The following ANO1 variants were observed in gnomAD, a reference collection of about 807,000 sequenced individuals.
ANO1 encodes the protein anoctamin-1.
A neutral mutation model predicts 124.0 loss-of-function variants in ANO1; 59 were observed. The observed-to-expected ratio is 0.48, with a 90% CI of 0.39 to 0.59. The LOEUF (loss-of-function observed/expected upper bound fraction) is 0.59, where lower values mean the gene tolerates loss of function less well. ANO1 is among the 20% of genes least tolerant of loss of function. ANO1 has a pLI of 0.00. For synonymous variants in ANO1, 529 were observed against 532.0 expected (o/e 0.99, Z 0.08); for missense variants, 1,059 against 1,328.0 (o/e 0.80, Z 3.15).
chr11:70,048,328 T>C (rs1857291931), intron 1 of ANO1, among the ~76,000 whole-genome samples: 2 of 152,206 alleles, frequency 1.3e-5, no homozygotes, highest in South Asian at 4.1e-4. Flanking sequence ...TTAGCTTCTT[T>C]TAAGGTTGAA....
At chr11:69,975,062 C>A in the ANO1 span, among the ~76,000 whole-genome samples, 1 of 152,178 alleles carries the variant, frequency 6.6e-6, no homozygotes, top group African/African-American at 2.4e-5. Flanking sequence ...CCCCACGCTG[C>A]TGCAGGACAA....
chr11:69,991,815 A>G (rs1187684844), intron 1 of ANO1, among the ~76,000 whole-genome samples: 2 of 152,228 alleles, frequency 1.3e-5, no homozygotes, highest in South Asian at 2.1e-4. Context: ...CCTTGCTCTC[A>G]TGGAGTGCAG....
chr11:70,147,413 G>T (rs909120221), intron 11 of ANO1, among the ~76,000 whole-genome samples: 3 of 152,162 alleles, frequency 2.0e-5, no homozygotes, highest in Admixed American at 2.0e-4. Flanking sequence ...GGCCCTGGGG[G>T]TTGGGGGCCT....
At chr11:70,095,376 A>AAG (rs780532732) in intron 2 of ANO1, among the ~76,000 whole-genome samples, 2 of 34,416 alleles carry the variant, frequency 5.8e-5, no homozygotes, top group South Asian at 1.2e-3. Context: ...GAAAGAAAGA[A>AAG]AGAAAGAAAG....
At chr11:70,148,024 G>A (rs1395212299) in intron 11 of ANO1, among the ~76,000 whole-genome samples, 2 of 152,284 alleles carry the variant, frequency 1.3e-5, no homozygotes, top group African/African-American at 2.4e-5. Flanking sequence ...AGACAAACCC[G>A]TGCATCCTTG....
intron 1 of ANO1, among the ~76,000 whole-genome samples, chr11:70,010,262 G>A (rs1173085709): frequency 2.7e-5 from 4 of 149,356 alleles, no homozygotes; most frequent in Admixed American, 1.3e-4. Flanking sequence ...TTTTGCAATT[G>A]AGAATTGTGC....
At chr11:70,115,190 T>G (rs1355126778) in intron 7 of ANO1, among the ~76,000 whole-genome samples, 4 of 152,138 alleles carry the variant, frequency 2.6e-5, no homozygotes, top group Middle Eastern at 3.4e-3. Context: ...GTTGCTTGCT[T>G]GAGTGTGTGG....
intron 4 of ANO1, among the ~76,000 whole-genome samples, chr11:70,105,215 AG>A (rs2045468714): frequency 1.3e-5 from 2 of 152,140 alleles, no homozygotes; most frequent in Admixed American, 1.3e-4. Context: ...AGTGCCTTGG[AG>A]AGCAGGGAGA....
chr11:70,004,052 G>A (rs576147163), intron 1 of ANO1, among the ~76,000 whole-genome samples: 3 of 152,170 alleles, frequency 2.0e-5, no homozygotes, highest in African/African-American at 7.2e-5. Flanking sequence ...CGACCCTTTG[G>A]ACCTCCCTCA....
intron 1 of ANO1, among the ~76,000 whole-genome samples, chr11:70,042,152 G>A (rs1445367224): frequency 1.3e-5 from 2 of 152,112 alleles, no homozygotes; most frequent in Non-Finnish European, 2.9e-5. Context: ...TGTAGTAACA[G>A]GGGTCAGACT....
chr11:70,101,060 C>T (rs1190938949), intron 2 of ANO1, among the ~76,000 whole-genome samples: 2 of 151,950 alleles, frequency 1.3e-5, no homozygotes, highest in Non-Finnish European at 1.5e-5. Flanking sequence ...GGATTCACCC[C>T]ATTGCCATTT....
Position 70,155,958 on chromosome 11 carries a change from G to A in ANO1, c.1473G>A (p.Arg491=). 1 of 1,536,538 alleles carries A rather than the reference G, an allele frequency of 6.5e-7. No homozygotes were observed. The highest frequency in any genetic ancestry group is 8.8e-7 in the Non-Finnish European group (1 of 1,141,764). The stretch of plus-strand genomic sequence containing the variant: ...AGTCAACAAACAAATGGAAGCAGAG[G>A]GTTAAGACAGCCATGGCGGGGGTGA... ...PEESTNKWKQ[R]VKTAMAGVKL... is the part of the protein sequence containing the mutation. The change falls in exon 15 of 26, where the codon AGG becomes AGA. Residue 491 remains arginine (R), a synonymous_variant. Transcript: ENST00000355303.
At chr11:70,144,668 T>C (rs2135589869) in intron 11 of ANO1, among the ~76,000 whole-genome samples, 1 of 152,352 alleles carries the variant, frequency 6.6e-6, no homozygotes, top group East Asian at 1.9e-4. Flanking sequence ...CTGTGCTGTG[T>C]GCTGTGGTGA....
intron 11 of ANO1, among the ~76,000 whole-genome samples, chr11:70,149,273 G>T (rs2135622013): frequency 6.6e-6 from 1 of 152,348 alleles, no homozygotes; most frequent in South Asian, 2.1e-4. Flanking sequence ...TGCCTCACAG[G>T]ATTGGCGGGA....
chr11:70,149,967 G>A (rs1481209774), intron 12 of ANO1, 175 bp downstream of exon 12: 27 of 713,984 alleles, frequency 3.8e-5, no homozygotes, highest in South Asian at 1.2e-4. Context: ...ACACCCTGGC[G>A]TTCCGAACAC....
chr11:70,142,664 A>G (rs1395274392), intron 11 of ANO1, among the ~76,000 whole-genome samples: 4 of 152,194 alleles, frequency 2.6e-5, no homozygotes, highest in African/African-American at 7.2e-5. Flanking sequence ...TGGGTGTCTT[A>G]GTCTGCTCCA....
intron 1 of ANO1, among the ~76,000 whole-genome samples, chr11:70,034,457 C>G (rs1164548478): frequency 5.9e-5 from 9 of 152,068 alleles, no homozygotes; most frequent in Non-Finnish European, 1.2e-4. Context: ...TACCACCATG[C>G]CAGGAGAGGG....
the ANO1 span, among the ~76,000 whole-genome samples, chr11:69,978,524 C>A: frequency 6.6e-6 from 1 of 152,090 alleles, no homozygotes; most frequent in Non-Finnish European, 1.5e-5. Flanking sequence ...CTAATTTTTG[C>A]ATTGTTTTTA....
At chr11:70,066,168 A>G (rs1555008555) in intron 1 of ANO1, among the ~76,000 whole-genome samples, 1 of 152,186 alleles carries the variant, frequency 6.6e-6, no homozygotes, top group Non-Finnish European at 1.5e-5. Context: ...CCATTGTGTG[A>G]ATGAAAGAGT....
Sources: gnomAD v4.1 joint callset for allele counts (sites outside exome capture counted in the v4.1 genomes callset) on GRCh38, gnomAD v4.1.1 for gene constraint, MANE v1.5 for transcripts, NCBI Gene and HGNC (gene_info 2026-07-23, HGNC 2026-07-21) for gene names.